Variants in TRDN observed in about 807,000 individuals in gnomAD.
TRDN encodes the protein triadin in skeletal muscle.
In TRDN, 161 loss-of-function variants were observed where a neutral mutation model predicts 149.7. That is an observed-to-expected ratio of 1.08 (90% CI 0.95 to 1.23). The LOEUF (loss-of-function observed/expected upper bound fraction) is 1.23, where lower values mean the gene tolerates loss of function less well. TRDN is among the 50% of genes most tolerant of loss of function. The pLI is 0.00. For missense variants in TRDN, 896 were observed against 823.5 expected, an observed-to-expected ratio of 1.09 and a Z score of -1.08; for synonymous variants, 294 against 250.5, an observed-to-expected ratio of 1.17 and a Z score of -1.64.
At chr6:123,598,404 CA>C (rs1038054258) in intron 1 of TRDN, among the ~76,000 whole-genome samples, 1 of 151,664 alleles carries the variant, frequency 6.6e-6, no homozygotes. Context: ...CTCAACATTA[CA>C]AAAAAAACAT....
At chr6:123,331,045 T>G (rs922023962) in intron 23 of TRDN, among the ~76,000 whole-genome samples, 1 of 152,056 alleles carries the variant, frequency 6.6e-6, no homozygotes, top group Admixed American at 6.6e-5. Context: ...ATTACTTGGT[T>G]TTTATAATTT....
intron 9 of TRDN, chr6:123,470,255 G>A (rs1486385739): frequency 2.6e-5 from 4 of 152,090 alleles, no homozygotes; most frequent in South Asian, 2.1e-4. Flanking sequence ...GACAAGATAC[G>A]TAAAAGTGCC....
chr6:123,259,831 A>G (rs1776699670), intron 34 of TRDN, among the ~76,000 whole-genome samples, 169 bp from the exon 35 acceptor site: 2 of 151,770 alleles, frequency 1.3e-5, no homozygotes, highest in African/African-American at 4.8e-5. Flanking sequence ...GTAGTCACCT[A>G]TAGGGTCAAA....
At chr6:123,305,469 T>G (rs946690780) in intron 24 of TRDN, among the ~76,000 whole-genome samples, 1 of 152,136 alleles carries the variant, frequency 6.6e-6, no homozygotes, top group Non-Finnish European at 1.5e-5. Context: ...ATAAAAGTGG[T>G]AAAATGAGAA....
intron 4 of TRDN, among the ~76,000 whole-genome samples, chr6:123,536,259 C>T (rs187157990): frequency 2.0e-5 from 3 of 152,066 alleles, no homozygotes; most frequent in East Asian, 3.9e-4. Flanking sequence ...ATTTTCAATG[C>T]CTAACATGAT....
At chr6:123,348,507 C>A (rs1272507017) in intron 21 of TRDN, among the ~76,000 whole-genome samples, 1 of 151,960 alleles carries the variant, frequency 6.6e-6, no homozygotes, top group Non-Finnish European at 1.5e-5. Flanking sequence ...TAGTGAAAAC[C>A]AATTCATTTG....
intron 12 of TRDN, among the ~76,000 whole-genome samples, chr6:123,408,678 C>CAAAA (rs577824087): frequency 2.2e-5 from 3 of 134,804 alleles, no homozygotes; most frequent in Non-Finnish European, 3.2e-5. Context: ...GACTTTTTCT[C>CAAAA]AAAAAAAAAA....
At chr6:123,370,487 C>T (rs1781283686) in intron 19 of TRDN, among the ~76,000 whole-genome samples, 1 of 152,070 alleles carries the variant, frequency 6.6e-6, no homozygotes, top group South Asian at 2.1e-4. Flanking sequence ...GATTTATTCT[C>T]CTGCCAGTGG....
At chr6:123,503,694 G>A (rs1778797321) in intron 8 of TRDN, 25 bp downstream of exon 8, 4 of 1,613,014 alleles carry the variant, frequency 2.5e-6, no homozygotes, top group Non-Finnish European at 3.4e-6. Flanking sequence ...AGAACCTCCG[G>A]CAGCCTCCTG....
At chr6:123,427,010 G>A (rs1029625253) in intron 12 of TRDN, among the ~76,000 whole-genome samples, 2 of 151,674 alleles carry the variant, frequency 1.3e-5, no homozygotes, top group Non-Finnish European at 2.9e-5. Flanking sequence ...CCTACCTTAG[G>A]CTTATTGTCT....
intron 24 of TRDN, among the ~76,000 whole-genome samples, chr6:123,286,932 GC>G (rs778231951): frequency 3.9e-5 from 6 of 152,016 alleles, no homozygotes; most frequent in Non-Finnish European, 8.8e-5. Context: ...TGGAGGTGGG[GC>G]CCAGGAATTT....
At chr6:123,367,203 A>AAAT (rs201505974) in intron 19 of TRDN, among the ~76,000 whole-genome samples, 211 of 151,846 alleles carry the variant, frequency 1.4e-3, no homozygotes, top group Admixed American at 3.0e-3. Context: ...CAGGAAAATA[A>AAAT]AATAATAATA....
intron 35 of TRDN, among the ~76,000 whole-genome samples, chr6:123,257,197 C>G (rs1020925672): frequency 3.9e-5 from 6 of 152,110 alleles, no homozygotes; most frequent in Non-Finnish European, 8.8e-5. Context: ...CCAGGGTGGT[C>G]TCGATCTCTT....
chr6:123,230,894 T>C (rs188073993), intron 38 of TRDN, among the ~76,000 whole-genome samples: 206 of 152,150 alleles, frequency 1.4e-3, no homozygotes, highest in African/African-American at 4.3e-3. Flanking sequence ...AGAACTACAA[T>C]GAGATATTTT....
At chr6:123,252,799 T>C (rs1776419500) in intron 37 of TRDN, among the ~76,000 whole-genome samples, 1 of 152,060 alleles carries the variant, frequency 6.6e-6, no homozygotes, top group Admixed American at 6.6e-5. Context: ...TCTTTGAATA[T>C]CTTGGTTAAT....
At chr6:123,562,148 C>T (rs981980781) in intron 2 of TRDN, among the ~76,000 whole-genome samples, 4 of 152,040 alleles carry the variant, frequency 2.6e-5, no homozygotes, top group African/African-American at 9.7e-5. Flanking sequence ...CACCTCGTGA[C>T]CCCTGCCCCT....
intron 23 of TRDN, 96 bp from the exon 24 acceptor site, chr6:123,316,591 C>A: frequency 1.0e-6 from 1 of 1,002,700 alleles, no homozygotes. Context: ...AGGTAGGCTT[C>A]ACTGATTTTT....
At chr6:123,271,208 A>C (rs773704711) in intron 29 of TRDN, 22 bp from the exon 30 acceptor site, 7 of 1,504,970 alleles carry the variant, frequency 4.7e-6, no homozygotes, top group South Asian at 3.8e-5. Context: ...AAAAATGTTA[A>C]CACAAGTAGG....
intron 1 of TRDN, among the ~76,000 whole-genome samples, chr6:123,599,416 T>C (rs1347340853): frequency 6.6e-6 from 1 of 152,064 alleles, no homozygotes; most frequent in Non-Finnish European, 1.5e-5. Context: ...AATAAAGCCA[T>C]GAGATGTAAA....
Sources: allele counts gnomAD v4.1 joint callset (sites outside exome capture counted in the v4.1 genomes callset), GRCh38; gene constraint gnomAD v4.1.1; transcripts MANE v1.5; gene names NCBI Gene and HGNC (gene_info 2026-07-23, HGNC 2026-07-21).